Variants in FRMD4A observed in about 807,000 individuals in gnomAD.
The protein encoded by FRMD4A is FERM domain-containing protein 4A.
FRMD4A carries 29 observed loss-of-function variants against 129.1 expected under a neutral mutation model. That is an observed-to-expected ratio of 0.22 (90% CI 0.17 to 0.31). The LOEUF is 0.31. Among genes scored for constraint, FRMD4A ranks in the 10% least tolerant of loss-of-function variants. The pLI, the probability that FRMD4A is intolerant of heterozygous loss-of-function variation, is 1.00. For missense variants in FRMD4A, 1,272 were observed against 1,375.8 expected (o/e 0.92, Z 1.19); for synonymous variants, 634 against 571.6 (o/e 1.11, Z -1.56).
At chr10:14,322,571 A>T (rs929038136) in intron 2 of FRMD4A, among the ~76,000 whole-genome samples, 4 of 152,224 alleles carry the variant, frequency 2.6e-5, no homozygotes, top group Non-Finnish European at 5.9e-5. Flanking sequence ...GATGAATTGG[A>T]TCTACCATTC....
At chr10:14,036,840 C>A (rs968999959) in intron 2 of FRMD4A, among the ~76,000 whole-genome samples, 1 of 152,174 alleles carries the variant, frequency 6.6e-6, no homozygotes, top group African/African-American at 2.4e-5. Context: ...CCCGCCTCAG[C>A]CTCCCAAAGT....
intron 2 of FRMD4A, among the ~76,000 whole-genome samples, chr10:14,311,026 C>A (rs141162217): frequency 9.2e-5 from 14 of 152,148 alleles, no homozygotes; most frequent in African/African-American, 3.4e-4. Context: ...ACACAGCAGA[C>A]CCTCAATGAG....
chr10:14,155,740 G>A (rs1840564125), intron 2 of FRMD4A, among the ~76,000 whole-genome samples: 1 of 152,214 alleles, frequency 6.6e-6, no homozygotes, highest in African/African-American at 2.4e-5. Context: ...TGTTAGGAAA[G>A]AGTGAGAGTG....
At chr10:14,031,862 C>A (rs1391396468) in intron 2 of FRMD4A, among the ~76,000 whole-genome samples, 2 of 150,942 alleles carry the variant, frequency 1.3e-5, no homozygotes, top group African/African-American at 4.9e-5. Flanking sequence ...TTTCACCCAA[C>A]TCTGACTTAG....
intron 2 of FRMD4A, among the ~76,000 whole-genome samples, chr10:14,213,674 A>G (rs1842991588): frequency 6.6e-6 from 1 of 152,220 alleles, no homozygotes; most frequent in Non-Finnish European, 1.5e-5. Flanking sequence ...CTCTGTCTGT[A>G]TAAATCCCAC....
intron 2 of FRMD4A, among the ~76,000 whole-genome samples, chr10:14,095,509 T>A (rs1239427092): frequency 1.3e-5 from 2 of 152,184 alleles, no homozygotes; most frequent in Non-Finnish European, 2.9e-5. Context: ...AATATAACAA[T>A]GCATAAAGAG....
intron 2 of FRMD4A, among the ~76,000 whole-genome samples, chr10:14,323,450 C>T (rs1384331521): frequency 6.6e-6 from 1 of 152,114 alleles, no homozygotes; most frequent in African/African-American, 2.4e-5. Flanking sequence ...TGTGCTTCTC[C>T]ATTTATATTT....
chr10:13,969,521 T>C (rs926095222), intron 2 of FRMD4A, among the ~76,000 whole-genome samples: 2 of 152,190 alleles, frequency 1.3e-5, no homozygotes, highest in African/African-American at 4.8e-5. Flanking sequence ...AAATGGCCCC[T>C]GAGGCGGGGC....
chr10:13,722,300 T>G (rs1466588474), intron 12 of FRMD4A, among the ~76,000 whole-genome samples: 1 of 149,234 alleles, frequency 6.7e-6, no homozygotes, highest in Admixed American at 6.8e-5. Flanking sequence ...GATGCGATCA[T>G]AGCTCACTGC....
At chr10:13,764,221 A>G (rs79387256) in intron 6 of FRMD4A, among the ~76,000 whole-genome samples, 69 of 63,138 alleles carry the variant, frequency 1.1e-3, no homozygotes, top group South Asian at 2.8e-3. Flanking sequence ...GTGTGTGTGT[A>G]TGGTAAAAAC....
intron 2 of FRMD4A, among the ~76,000 whole-genome samples, chr10:14,182,174 T>A (rs933127663): frequency 6.6e-6 from 1 of 152,186 alleles, no homozygotes; most frequent in African/African-American, 2.4e-5. Flanking sequence ...AAAATGATAG[T>A]GATCAATGGA....
At chr10:13,936,001 T>C (rs1402329823) in intron 2 of FRMD4A, among the ~76,000 whole-genome samples, 1 of 152,252 alleles carries the variant, frequency 6.6e-6, no homozygotes, top group Non-Finnish European at 1.5e-5. Context: ...GAAATGTGTT[T>C]GGCACAAGAG....
chr10:14,239,701 C>T (rs1456755344), intron 2 of FRMD4A, among the ~76,000 whole-genome samples: 1 of 151,962 alleles, frequency 6.6e-6, no homozygotes, highest in Non-Finnish European at 1.5e-5. Context: ...TTCTACTGAT[C>T]TAAAATGTAA....
chr10:14,244,878 C>A (rs1312765256), intron 2 of FRMD4A, among the ~76,000 whole-genome samples: 1 of 152,196 alleles, frequency 6.6e-6, no homozygotes, highest in African/African-American at 2.4e-5. Flanking sequence ...CACCATGAGT[C>A]ATTTCCTGCC....
chr10:13,690,378 C>T lies in FRMD4A; in HGVS notation c.1117+3520G>A, dbSNP rs560505734. 7.2e-5 allele frequency among the ~76,000 whole-genome samples: 11 copies of T among 152,340 alleles called. No homozygotes were observed. The East Asian group carries it at 2.1e-3, about 29-fold the overall frequency. ...TTTCATCACGGGAAAGCTTTATCCT[C>T]CTGGTGCAAGGAAACACAGGCAGCC... is the stretch of plus-strand genomic sequence containing the variant. On this transcript the variant is annotated intron_variant, in intron 15 of 24. Transcript: ENST00000357447.
intron 2 of FRMD4A, among the ~76,000 whole-genome samples, chr10:13,927,545 T>G (rs927661587): frequency 2.0e-5 from 3 of 152,238 alleles, no homozygotes; most frequent in African/African-American, 7.2e-5. Flanking sequence ...AGGGTACAAG[T>G]TCTACAAGGA....
chr10:14,214,364 C>T (rs12244963), intron 2 of FRMD4A, among the ~76,000 whole-genome samples: 50,865 of 151,978 alleles, frequency 0.33, 8,610 homozygotes, highest in Admixed American at 0.36. Flanking sequence ...TGGGAGTTGG[C>T]TGACATTGGA....
chr10:13,815,180 C>A (rs1252468797), intron 3 of FRMD4A, among the ~76,000 whole-genome samples: 1 of 152,170 alleles, frequency 6.6e-6, no homozygotes, highest in Non-Finnish European at 1.5e-5. Context: ...GTCTCACAGC[C>A]AAGCTGGGAT....
At chr10:13,765,820 A>G (rs1237115343) in intron 6 of FRMD4A, among the ~76,000 whole-genome samples, 1 of 152,226 alleles carries the variant, frequency 6.6e-6, no homozygotes, top group Admixed American at 6.5e-5. Context: ...GATTTCCACA[A>G]TAGATGGTTT....
Sources: allele counts gnomAD v4.1 joint callset (sites outside exome capture counted in the v4.1 genomes callset), GRCh38; gene constraint gnomAD v4.1.1; transcripts MANE v1.5; gene names NCBI Gene and HGNC (gene_info 2026-07-23, HGNC 2026-07-21).